Variants in NUP62CL observed in about 807,000 individuals in gnomAD.
The protein encoded by NUP62CL is nucleoporin-62 C-terminal-like protein.
A neutral mutation model predicts 15.3 loss-of-function variants in NUP62CL; 13 were observed. That is an observed-to-expected ratio of 0.85 (90% CI 0.55 to 1.35). The LOEUF (loss-of-function observed/expected upper bound fraction) is 1.35, where lower values mean the gene tolerates loss of function less well. Ranked by LOEUF, NUP62CL falls within the 40% of genes most tolerant of loss-of-function variation. The pLI, the probability that NUP62CL is intolerant of heterozygous loss-of-function variation, is 0.00. For synonymous variants in NUP62CL, 54 were observed against 49.2 expected, an observed-to-expected ratio of 1.10 and a Z score of -0.41; for missense variants, 123 against 130.6, an observed-to-expected ratio of 0.94 and a Z score of 0.28.
At chrX:107,200,938 T>C (rs1212864116) in intron 1 of NUP62CL, among the ~76,000 whole-genome samples, 1 of 110,991 alleles carries the variant, frequency 9.0e-6, no homozygotes, top group Non-Finnish European at 1.9e-5. Context: ...AACAAAAAAC[T>C]GGAGAATTCT....
chrX:107,194,811 CTTTTTTTTT>C (rs1174813324), intron 1 of NUP62CL, among the ~76,000 whole-genome samples: 1 of 46,303 alleles, frequency 2.2e-5, no homozygotes, highest in Non-Finnish European at 3.7e-5. Context: ...TTCTTTCTCT[CTTTTTTTTT>C]TTTTTTTTTT....
At chrX:107,143,407 G>T (rs1245513494) in intron 8 of NUP62CL, among the ~76,000 whole-genome samples, 2 of 109,583 alleles carry the variant, frequency 1.8e-5, no homozygotes, top group Admixed American at 2.0e-4. Context: ...AAGAGATGAG[G>T]TCTCACTTTG....
At chrX:107,198,909 C>T (rs747567314) in intron 1 of NUP62CL, among the ~76,000 whole-genome samples, 97 of 112,465 alleles carry the variant, frequency 8.6e-4, no homozygotes, top group African/African-American at 3.0e-3. Flanking sequence ...AGACAGTGAA[C>T]ATAAACTGGA....
chrX:107,156,446 C>A lies in NUP62CL; in HGVS notation c.195-2200G>T, dbSNP rs759425590. Among the ~76,000 whole-genome samples the A allele has an allele frequency of 6.2e-3, 660 of 106,533 alleles. 6 individuals are homozygous for A. The highest frequency in any genetic ancestry group is 0.021 in the African/African-American group (623 of 29,050). The allele number at this position is 106,533 out of a possible 115,157, so 92.5% of individuals were successfully genotyped here. A position where few individuals can be genotyped will look rare whatever the true frequency, so the allele number is the denominator to read the frequency against. ...AGCTGGAGATCTGAGAACAGGCAGACTGCCTCCTCAAGTGGGTCCCTGACC... is the reference window on the plus strand; with the variant it reads ...AGCTGGAGATCTGAGAACAGGCAGAATGCCTCCTCAAGTGGGTCCCTGACC... On this transcript the variant is annotated intron_variant, in intron 4 of 8. Transcript: ENST00000372466.
chrX:107,182,341 G>A (rs1926938577), intron 2 of NUP62CL, among the ~76,000 whole-genome samples: 1 of 111,827 alleles, frequency 8.9e-6, no homozygotes, highest in Admixed American at 9.5e-5. Context: ...TCCAGATTTG[G>A]CCAAAATTCC....
chrX:107,186,670 G>A (rs1429719085), intron 2 of NUP62CL, among the ~76,000 whole-genome samples: 4 of 111,491 alleles, frequency 3.6e-5, no homozygotes, highest in Admixed American at 1.9e-4. Context: ...AGCTGAGGTG[G>A]GCAGATCACT....
At chrX:107,190,558 C>A (rs1162528579) in intron 2 of NUP62CL, among the ~76,000 whole-genome samples, 38 of 111,390 alleles carry the variant, frequency 3.4e-4, no homozygotes, top group Non-Finnish European at 1.5e-4. Flanking sequence ...ATTTAATTTC[C>A]CCTATATTCA....
At chrX:107,132,105 T>G in intron 8 of NUP62CL, 1 of 1,175,978 alleles carries the variant, frequency 8.5e-7, no homozygotes, top group Non-Finnish European at 1.2e-6. Flanking sequence ...CAGCCCCAGA[T>G]AAATCTTTGG....
At position 107,169,818 on chromosome X, in the gene NUP62CL, T is replaced by A. The variant is rs759273302; in HGVS notation, c.59-2034A>T. ...TTCAAGACAGAAAGAAATTTTTTTT[T>A]TAAAAAAATGAGCCCTTCTTGTAAA... On this transcript the variant is annotated intron_variant, in intron 3 of 8. Transcript: ENST00000372466. 4.4e-3 allele frequency among the ~76,000 whole-genome samples: 455 copies of A among 103,717 alleles called. 6 individuals are homozygous for A. Among genetic ancestry groups the A allele is most frequent in the Admixed American group, 0.03 (263 of 8,688 alleles). The allele number at this position is 103,717 out of a possible 115,157, so 90.1% of individuals were successfully genotyped here.
chrX:107,179,741 G>A (rs943986400), intron 2 of NUP62CL, among the ~76,000 whole-genome samples: 1 of 111,859 alleles, frequency 8.9e-6, no homozygotes, highest in South Asian at 3.8e-4. Flanking sequence ...GATACCCAGC[G>A]TGGAATTGCT....
chrX:107,204,772 A>T (rs774426219), intron 1 of NUP62CL, among the ~76,000 whole-genome samples: 1 of 92,074 alleles, frequency 1.1e-5, no homozygotes, highest in Non-Finnish European at 2.0e-5. Flanking sequence ...TAAATAAATT[A>T]TTTAAATAAA....
intron 8 of NUP62CL, among the ~76,000 whole-genome samples, chrX:107,132,641 G>C (rs1303635794): frequency 9.0e-6 from 1 of 111,461 alleles, no homozygotes; most frequent in East Asian, 2.8e-4. Context: ...TATGCCTGTG[G>C]TACCAGCTAC....
chrX:107,180,559 A>G (rs1926893308), intron 2 of NUP62CL, among the ~76,000 whole-genome samples: 1 of 112,170 alleles, frequency 8.9e-6, no homozygotes, highest in African/African-American at 3.2e-5. Context: ...AAAGTTTTTA[A>G]GTAAGGTACA....
intron 3 of NUP62CL, among the ~76,000 whole-genome samples, chrX:107,174,860 T>C (rs1455930275): frequency 8.9e-6 from 1 of 112,452 alleles, no homozygotes; most frequent in Non-Finnish European, 1.9e-5. Context: ...ATGAATTATA[T>C]GCTTAAAGTT....
intron 7 of NUP62CL, chrX:107,150,823 T>C (rs1460511528): frequency 3.0e-6 from 1 of 334,921 alleles, no homozygotes; most frequent in African/African-American, 2.7e-5. Context: ...TACTAAATCT[T>C]GGTTGCCTAA....
intron 3 of NUP62CL, among the ~76,000 whole-genome samples, chrX:107,170,180 A>G (rs1223602544): frequency 9.0e-6 from 1 of 110,965 alleles, no homozygotes; most frequent in African/African-American, 3.3e-5. Context: ...ATGTGTACTT[A>G]AGAGGAAACA....
At chrX:107,205,275 T>C (rs1927648093) in intron 1 of NUP62CL, among the ~76,000 whole-genome samples, 1 of 111,085 alleles carries the variant, frequency 9.0e-6, no homozygotes, top group South Asian at 3.7e-4. Context: ...AAGAAGGAGA[T>C]GGCATAATAT....
At chrX:107,174,706 C>T (rs1184665962) in intron 3 of NUP62CL, among the ~76,000 whole-genome samples, 1 of 111,538 alleles carries the variant, frequency 9.0e-6, no homozygotes, top group Non-Finnish European at 1.9e-5. Context: ...AGAAAACACA[C>T]TATAGCAAGG....
intron 4 of NUP62CL, among the ~76,000 whole-genome samples, chrX:107,157,718 A>G (rs1289490102): frequency 9.1e-6 from 1 of 109,839 alleles, no homozygotes; most frequent in Non-Finnish European, 1.9e-5. Flanking sequence ...AAACTGCATC[A>G]ACTAACGAGC....
Sources: gnomAD v4.1 joint callset for allele counts (sites outside exome capture counted in the v4.1 genomes callset) on GRCh38, gnomAD v4.1.1 for gene constraint, MANE v1.5 for transcripts, NCBI Gene and HGNC (gene_info 2026-07-23, HGNC 2026-07-21) for gene names.